PTPRN2: variants seen among roughly 807,000 people sequenced by gnomAD.
The protein encoded by PTPRN2 is protein tyrosine phosphatase receptor type N2.
In PTPRN2, 74 loss-of-function variants were observed where a neutral mutation model predicts 118.8. The ratio of observed to expected loss-of-function variants is 0.62; its 90% confidence interval spans 0.52 to 0.76. The LOEUF (loss-of-function observed/expected upper bound fraction) is 0.76, where lower values mean the gene tolerates loss of function less well. PTPRN2 is among the 30% of genes least tolerant of loss of function. The probability of loss-of-function intolerance (pLI) is 0.00; values close to 1 mark genes in which losing one functional copy is unlikely to be tolerated. For missense variants in PTPRN2, 1,481 were observed against 1,394.4 expected, an observed-to-expected ratio of 1.06 and a Z score of -0.99; for synonymous variants, 641 against 608.0, an observed-to-expected ratio of 1.05 and a Z score of -0.80.
intron 11 of PTPRN2, among the ~76,000 whole-genome samples, chr7:157,915,188 T>A (rs186883476): frequency 6.6e-6 from 1 of 152,354 alleles, no homozygotes; most frequent in Admixed American, 6.5e-5. Context: ...GTTTTAAAAT[T>A]TTTTATTGTG....
At chr7:158,541,048 C>A (rs2129449507) in intron 1 of PTPRN2, among the ~76,000 whole-genome samples, 1 of 152,324 alleles carries the variant, frequency 6.6e-6, no homozygotes, top group Non-Finnish European at 1.5e-5. Flanking sequence ...CTCAGGGCTG[C>A]ACAGGTGCTA....
chr7:158,036,226 G>A (rs961464329), intron 11 of PTPRN2, among the ~76,000 whole-genome samples: 4 of 152,076 alleles, frequency 2.6e-5, no homozygotes, highest in South Asian at 2.1e-4. Context: ...GAAGACATAA[G>A]TGAAATGAAT....
At chr7:157,967,372 G>A (rs1802021656) in intron 11 of PTPRN2, among the ~76,000 whole-genome samples, 1 of 152,190 alleles carries the variant, frequency 6.6e-6, no homozygotes, top group African/African-American at 2.4e-5. Context: ...GTCTCACTGG[G>A]CTGAAGTCAA....
chr7:158,119,904 C>T (rs141364588), intron 9 of PTPRN2, among the ~76,000 whole-genome samples: 2 of 152,128 alleles, frequency 1.3e-5, no homozygotes, highest in Admixed American at 1.3e-4. Flanking sequence ...TAGTGCCTCA[C>T]ATTCACAGCC....
At chr7:158,346,963 T>C (rs139724792) in intron 2 of PTPRN2, among the ~76,000 whole-genome samples, 2 of 152,320 alleles carry the variant, frequency 1.3e-5, no homozygotes, top group African/African-American at 4.8e-5. Flanking sequence ...ATTTTCATGC[T>C]ATTGAGTTGT....
chr7:158,120,188 G>A (rs900987489), intron 9 of PTPRN2, among the ~76,000 whole-genome samples: 1 of 152,258 alleles, frequency 6.6e-6, no homozygotes, highest in South Asian at 2.1e-4. Flanking sequence ...GGCTGCCAGG[G>A]GCTGGGGTAG....
intron 11 of PTPRN2, among the ~76,000 whole-genome samples, chr7:158,063,446 C>T (rs914187189): frequency 6.6e-6 from 1 of 152,186 alleles, no homozygotes; most frequent in African/African-American, 2.4e-5. Flanking sequence ...GTAAAATAGA[C>T]CAATCAGCAG....
chr7:158,505,179 G>C (rs1429010829), intron 1 of PTPRN2, among the ~76,000 whole-genome samples: 2 of 152,186 alleles, frequency 1.3e-5, no homozygotes, highest in South Asian at 4.2e-4. Flanking sequence ...ATATCACTGA[G>C]GCATAAGTCT....
At position 157,627,003 on chromosome 7, in the gene PTPRN2, C is replaced by T. The variant is rs1263563; in HGVS notation, c.2197-5494G>A. Among the ~76,000 whole-genome samples the T allele has an allele frequency of 0.3, 46,256 of 152,124 alleles. 7,360 individuals carry two copies. Among genetic ancestry groups the T allele is most frequent in the African/African-American group, 0.38 (15,709 of 41,488 alleles). On this transcript the variant is annotated intron_variant, in intron 14 of 22. Coordinates refer to ENST00000389418, the MANE Select transcript of PTPRN2 (RefSeq NM_002847.5). The surrounding 1 kb of genome is among the most constrained non-coding windows in gnomAD (Gnocchi z 4.2). Reference sequence around the variant, plus strand: ...GTAACAACCTGAACCTAACAGCAGTCGTATAAATTTGGAAGGGCAACAGTT... The same window carrying T: ...GTAACAACCTGAACCTAACAGCAGTTGTATAAATTTGGAAGGGCAACAGTT...
intron 14 of PTPRN2, among the ~76,000 whole-genome samples, chr7:157,649,054 C>CT (rs1805400895): frequency 1.9e-5 from 2 of 106,916 alleles, no homozygotes; most frequent in African/African-American, 3.6e-5. Context: ...ACCCATCCAG[C>CT]GTGCACTGAA....
intron 11 of PTPRN2, among the ~76,000 whole-genome samples, chr7:157,902,912 T>C (rs754882754): frequency 1.4e-4 from 21 of 152,244 alleles, no homozygotes; most frequent in Non-Finnish European, 2.6e-4. Context: ...CCCAAGCTGA[T>C]TGTGAGCCTC....
chr7:157,635,781 T>A (rs972609249), intron 14 of PTPRN2, among the ~76,000 whole-genome samples: 1 of 150,930 alleles, frequency 6.6e-6, no homozygotes, highest in Non-Finnish European at 1.5e-5. Context: ...GGATTTTCTA[T>A]AATTTTCTCC....
chr7:158,351,559 T>C (rs899368940), intron 2 of PTPRN2, among the ~76,000 whole-genome samples: 6 of 152,192 alleles, frequency 3.9e-5, no homozygotes, highest in Admixed American at 2.0e-4. Flanking sequence ...GCCCCGCGTT[T>C]CTTACTACAC....
intron 11 of PTPRN2, among the ~76,000 whole-genome samples, chr7:158,076,252 C>T (rs534353231): frequency 9.8e-5 from 15 of 152,328 alleles, no homozygotes; most frequent in African/African-American, 2.9e-4. Flanking sequence ...AGGGTGGTAC[C>T]GGAGCACGGA....
At chr7:157,755,468 G>T (rs1233116985) in intron 12 of PTPRN2, among the ~76,000 whole-genome samples, 4 of 152,096 alleles carry the variant, frequency 2.6e-5, no homozygotes, top group African/African-American at 7.2e-5. Context: ...CTTCACGGGG[G>T]GGTTTGAGAA....
intron 2 of PTPRN2, among the ~76,000 whole-genome samples, chr7:158,417,192 G>A (rs1586622759): frequency 6.6e-6 from 1 of 151,894 alleles, no homozygotes. Flanking sequence ...CAGTTTCCCT[G>A]CTGTGTTAAG....
At chr7:158,330,077 C>T (rs374614980) in intron 2 of PTPRN2, among the ~76,000 whole-genome samples, 74 of 83,718 alleles carry the variant, frequency 8.8e-4, no homozygotes, top group African/African-American at 3.4e-3. Context: ...ACCATAAGAG[C>T]TGACACCTGC....
chr7:158,393,248 C>G (rs1194041398), intron 2 of PTPRN2, among the ~76,000 whole-genome samples: 5 of 152,228 alleles, frequency 3.3e-5, no homozygotes, highest in Non-Finnish European at 7.3e-5. Flanking sequence ...GTTTGAAAAT[C>G]CTGCAAACAT....
intron 19 of PTPRN2, among the ~76,000 whole-genome samples, chr7:157,572,258 T>G (rs1799791951): frequency 6.6e-6 from 1 of 152,186 alleles, no homozygotes; most frequent in South Asian, 2.1e-4. Context: ...AAGTTGTCAG[T>G]GAACTATTTC....
Sources: gnomAD v4.1 joint callset for allele counts (sites outside exome capture counted in the v4.1 genomes callset) on GRCh38, gnomAD v4.1.1 for gene constraint, Gnocchi (gnomAD v3.1) non-coding constraint, MANE v1.5 for transcripts, NCBI Gene and HGNC (gene_info 2026-07-23, HGNC 2026-07-21) for gene names.